DNMBP: variants seen among roughly 807,000 people sequenced by gnomAD.
DNMBP encodes dynamin-binding protein.
Under a neutral mutation model 150.0 loss-of-function variants are expected in DNMBP, and 87 were observed. The ratio of observed to expected loss-of-function variants is 0.58; its 90% CI spans 0.49 to 0.69. The LOEUF (loss-of-function observed/expected upper bound fraction) is 0.69. Ranked by LOEUF, DNMBP falls within the 30% of genes least tolerant of loss-of-function variation. The pLI, the probability that DNMBP is intolerant of heterozygous loss-of-function variation, is 0.00. For synonymous variants in DNMBP, 711 were observed against 750.4 expected, an observed-to-expected ratio of 0.95 and a Z score of 0.86; for missense variants, 1,774 against 1,949.0, an observed-to-expected ratio of 0.91 and a Z score of 1.69.
At chr10:99,930,619 C>T (rs754671344) in intron 4 of DNMBP, 29 of 702,848 alleles carry the variant, frequency 4.1e-5, no homozygotes, top group Admixed American at 8.0e-5. Flanking sequence ...TACCTGGGAT[C>T]CAAGTCATTT....
At chr10:99,927,275 CAG>C (rs1444308689) in intron 4 of DNMBP, 5 of 152,196 alleles carry the variant, frequency 3.3e-5, no homozygotes, top group African/African-American at 1.2e-4. Context: ...ATCTGGAACT[CAG>C]AGACGAAACC....
At chr10:99,879,219 C>T (rs1429657721) in intron 16 of DNMBP, among the ~76,000 whole-genome samples, 2 of 152,052 alleles carry the variant, frequency 1.3e-5, no homozygotes, top group Non-Finnish European at 2.9e-5. Flanking sequence ...AATCCCAGCA[C>T]TTTGGGAGGC....
At chr10:99,897,804 T>C (rs2039676969) in intron 9 of DNMBP, among the ~76,000 whole-genome samples, 1 of 151,948 alleles carries the variant, frequency 6.6e-6, no homozygotes, top group African/African-American at 2.4e-5. Context: ...TTCCAACTAC[T>C]TGGGAGGCTG....
At chr10:99,923,577 G>A (rs768845936) in intron 4 of DNMBP, among the ~76,000 whole-genome samples, 2 of 151,952 alleles carry the variant, frequency 1.3e-5, no homozygotes, top group Non-Finnish European at 2.9e-5. Flanking sequence ...ATACAGCTAT[G>A]GAGGTGGCTC....
At position 99,877,091 on chromosome 10, in the gene DNMBP, C is replaced by CGTATCATTA; in HGVS notation, c.*59_*60insTAATGATAC. On this transcript the variant is annotated 3_prime_UTR_variant, in exon 17 of 17. Transcript: ENST00000324109. ...GAGCAGGCGCCCTCTCGGTGGGCCG[C>CGTATCATTA]CAGAACCCTCGGCGGACTGAAAGCA... 6.7e-7 allele frequency: 1 copy of CGTATCATTA among 1,485,890 alleles called. No homozygotes were observed. The highest frequency in any genetic ancestry group is 9.0e-7 in the Non-Finnish European group (1 of 1,110,290). The allele number at this position is 1,485,890 out of a possible 1,614,324, so 92.0% of individuals were successfully genotyped here. A position where few individuals can be genotyped will look rare whatever the true frequency, so the allele number is the denominator to read the frequency against.
At chr10:99,953,819 A>AAAAAAAAAAAAAGAAAAAG (rs1229016312) in intron 4 of DNMBP, among the ~76,000 whole-genome samples, 2 of 133,532 alleles carry the variant, frequency 1.5e-5, no homozygotes, top group African/African-American at 5.9e-5. Context: ...GTCTCAAAAA[A>AAAAAAAAAAAAAGAAAAAG]AAAAAGAAAA....
chr10:99,877,094 G>GATCATTAAAA lies in DNMBP; in HGVS notation c.*56_*57insTTTTAATGAT. ...CAGGCGCCCTCTCGGTGGGCCGCCA[G>GATCATTAAAA]AACCCTCGGCGGACTGAAAGCAAAG... On this transcript the variant is annotated 3_prime_UTR_variant, in exon 17 of 17. Coordinates refer to ENST00000324109, the MANE Select transcript of DNMBP (RefSeq NM_015221.4). 1 of 1,415,744 alleles carries GATCATTAAAA rather than the reference G, an allele frequency of 7.1e-7. No homozygotes were observed. The highest frequency in any genetic ancestry group is 1.6e-5 in the South Asian group (1 of 63,868). 87.7% of individuals were successfully genotyped at this position (1,415,744 alleles called of 1,614,324 possible). A position where few individuals can be genotyped will look rare whatever the true frequency, so the allele number is the denominator to read the frequency against.
At chr10:99,987,806 C>G (rs959164061) in intron 1 of DNMBP, among the ~76,000 whole-genome samples, 9 of 151,172 alleles carry the variant, frequency 6.0e-5, no homozygotes, top group Non-Finnish European at 1.3e-4. Flanking sequence ...TGAGAGAGAA[C>G]AAAAAGGATA....
At chr10:99,993,133 A>T (rs981305367) in intron 1 of DNMBP, among the ~76,000 whole-genome samples, 1 of 152,248 alleles carries the variant, frequency 6.6e-6, no homozygotes, top group African/African-American at 2.4e-5. Context: ...CACTGAAAAT[A>T]GTACCTCACA....
chr10:99,880,281 G>C lies in DNMBP; in HGVS notation c.4078C>G (p.His1360Asp), dbSNP rs2039346112. The C allele has an allele frequency of 6.2e-7, 1 of 1,613,896 alleles. No homozygotes were observed. Among genetic ancestry groups the C allele is most frequent in the Non-Finnish European group, 8.5e-7 (1 of 1,179,988 alleles). Residue 1360 changes from histidine to aspartate, a missense_variant, in exon 16 of 17, where the codon CAC becomes GAC. Physicochemically the swap from His to Asp is moderately conservative, Grantham distance 81 (BLOSUM62 -1). This residue lies in a region of DNMBP where 1,430 missense variants were observed against 1,492.5 expected (regional missense o/e 0.96). Coordinates refer to ENST00000324109, the MANE Select transcript of DNMBP (RefSeq NM_015221.4). ...CCGTGCTCAGACTCTGTGGAGGAGT[G>C]GCTACCCACGGAGGCATCGGAGTGG... is the stretch of plus-strand genomic sequence containing the variant. ...RSHSDASVGS[H>D]SSTESEHGSS... is the part of the protein sequence containing the mutation.
chr10:99,880,202 T>C lies in DNMBP; in HGVS notation c.4157A>G (p.Asn1386Ser). 6.2e-7 allele frequency: 1 copy of C among 1,613,924 alleles called. No individual in the cohort carries two copies. The highest frequency in any genetic ancestry group is 1.3e-5 in the African/African-American group (1 of 74,978). Reference protein sequence around the residue: ...RQNSGSTLTFNPSSMAVSFTS... With the variant: ...RQNSGSTLTFSPSSMAVSFTS... ...AAAGGATACAGCCATGCTGCTGGGG[T>C]TGAAGGTCAGGGTGCTGCCGCTGTT... Residue 1386 changes from asparagine to serine, a missense_variant, in exon 16 of 17, where the codon AAC becomes AGC. By Grantham distance (46) the Asn-to-Ser change is conservative. Around this residue, in one of 2 missense-constraint regions of DNMBP, gnomAD observed 1,430 missense variants for 1,492.5 expected, o/e 0.96. Transcript: ENST00000324109.
chr10:99,900,131 G>A (rs2039717766), intron 6 of DNMBP, 65 bp from the exon 7 acceptor site: 7 of 1,571,332 alleles, frequency 4.5e-6, no homozygotes, highest in South Asian at 1.1e-5. Flanking sequence ...CTAAATGTAA[G>A]GTACACAGCC....
At chr10:99,985,994 G>A (rs987455863) in intron 1 of DNMBP, among the ~76,000 whole-genome samples, 6 of 152,036 alleles carry the variant, frequency 3.9e-5, no homozygotes, top group East Asian at 1.9e-4. Flanking sequence ...CAAGCAATCC[G>A]CCTGCCTCGC....
rs974131111 is a variant in DNMBP at position 99,956,703 on chromosome 10, C to G, written c.771G>C (p.Leu257=). The G allele has an allele frequency of 6.2e-7, 1 of 1,613,792 alleles. No homozygotes were observed. The highest frequency in any genetic ancestry group is 1.3e-5 in the African/African-American group (1 of 75,042). ...CCTCGAAATCCAGCTCATTTGGCTCCAGGGCTTGGAATCTGTACAGGGCGA... is the reference window on the plus strand; with the variant it reads ...CCTCGAAATCCAGCTCATTTGGCTCGAGGGCTTGGAATCTGTACAGGGCGA... The part of the protein sequence containing the change: ...YGVALYRFQA[L]EPNELDFEVG... Residue 257 remains leucine (L), a synonymous_variant, in exon 4 of 17, where the codon CTG becomes CTC. Transcript: ENST00000324109.
chr10:99,910,349 C>G (rs1438414032), intron 4 of DNMBP, among the ~76,000 whole-genome samples: 1 of 152,198 alleles, frequency 6.6e-6, no homozygotes, highest in East Asian at 1.9e-4. Flanking sequence ...CGAGACCAGC[C>G]TGGCCAACAT....
chr10:99,886,376 T>C lies in DNMBP; in HGVS notation c.3542A>G (p.Asn1181Ser), dbSNP rs1033258812. 4.3e-6 allele frequency: 7 copies of C among 1,613,850 alleles called. No homozygotes were observed. Among genetic ancestry groups the C allele is most frequent in the African/African-American group, 2.7e-5 (2 of 74,866 alleles). ...GGCTTCAGCATAGCCGTGGACACAG[T>C]TGGTGAAGAGGCCCTGGGCGTACTG... Reference protein sequence around the residue: ...FHQYAQGLFTNCVHGYAEAHC... With the variant: ...FHQYAQGLFTSCVHGYAEAHC... The change falls in exon 13 of 17, where the codon AAC becomes AGC. Residue 1181 changes from asparagine (N) to serine (S), a missense_variant. By Grantham distance (46) the Asn-to-Ser change is conservative (BLOSUM62 1). Transcript: ENST00000324109.
chr10:99,881,782 G>A (rs1176643127), intron 15 of DNMBP, among the ~76,000 whole-genome samples: 8 of 152,026 alleles, frequency 5.3e-5, no homozygotes, highest in Admixed American at 4.6e-4. Context: ...CTCGTTCTGT[G>A]TAAGCAGAAG....
chr10:99,894,231 T>C (rs1385190818), intron 11 of DNMBP, among the ~76,000 whole-genome samples: 1 of 152,090 alleles, frequency 6.6e-6, no homozygotes, highest in Non-Finnish European at 1.5e-5. Flanking sequence ...GATGGCACTA[T>C]TGCACTCCAG....
rs200386212 is a variant in DNMBP at position 99,908,056 on chromosome 10, C to T, written c.2493G>A (p.Met831Ile). The change falls in exon 6 of 17, where the codon ATG (methionine) becomes ATA (isoleucine). Residue 831 changes from methionine to isoleucine, a missense_variant. Physicochemically the swap from Met to Ile is conservative, Grantham distance 10. This residue lies in a region of DNMBP where 1,430 missense variants were observed against 1,492.5 expected (regional missense o/e 0.96). Transcript: ENST00000324109. The stretch of plus-strand genomic sequence containing the variant: ...GCTTCGAGACCTTAATCACCATCTG[C>T]ATATTTCCAAAAAGTCCCTCAAAAT... ...NIDFEGLFGN[M>I]QMVIKVSKQL... The T allele has an allele frequency of 9.3e-6, 15 of 1,613,954 alleles. No individual in the cohort carries two copies. The highest frequency in any genetic ancestry group is 1.2e-5 in the Non-Finnish European group (14 of 1,179,954).
Sources: allele counts gnomAD v4.1 joint callset (sites outside exome capture counted in the v4.1 genomes callset), GRCh38; gene constraint gnomAD v4.1.1; regional missense constraint gnomAD v4.1.1; transcripts MANE v1.5; gene names NCBI Gene and HGNC (gene_info 2026-07-23, HGNC 2026-07-21).